The following SSX3 variants were observed in gnomAD, a reference collection of about 807,000 sequenced individuals.
The protein encoded by SSX3 is protein SSX3.
SSX3 carries 6 observed loss-of-function variants against 14.8 expected under a neutral mutation model. The ratio of observed to expected loss-of-function variants is 0.41; its 90% CI spans 0.22 to 0.80. The LOEUF (loss-of-function observed/expected upper bound fraction) is 0.80, where lower values mean the gene tolerates loss of function less well. SSX3 is among the 30% of genes least tolerant of loss of function. The pLI is 0.34. For synonymous variants in SSX3, 55 were observed against 52.9 expected, an observed-to-expected ratio of 1.04 and a Z score of -0.18; for missense variants, 163 against 152.2, an observed-to-expected ratio of 1.07 and a Z score of -0.37.
rs1556949229 is a variant in SSX3 at position 48,349,805 on chromosome X, A to G, written c.466+182T>C. The stretch of plus-strand genomic sequence containing the variant: ...TCCTCAAGTCACGTGGTTTTTTTTT[A>G]TATGGATGACAACTCCAGTCTGTCT... On this transcript the variant is annotated intron_variant, in intron 6 of 7. Transcript: ENST00000298396. 4 of 1,126,701 alleles carry G rather than the reference A, an allele frequency of 3.6e-6. No individual in the cohort carries two copies. The African/African-American group carries it at 7.5e-5, about 21-fold the overall frequency. The allele number at this position is 1,126,701 out of a possible 1,213,427, so 92.9% of individuals were successfully genotyped here. A position where few individuals can be genotyped will look rare whatever the true frequency, so the allele number is the denominator to read the frequency against.
At position 48,350,138 on chromosome X, in the gene SSX3, G is replaced by A; in HGVS notation, c.331-16C>T. The A allele has an allele frequency of 8.3e-7, 1 of 1,210,564 alleles. No individual in the cohort carries two copies. The highest frequency in any genetic ancestry group is 1.7e-5 in the African/African-American group (1 of 57,655). On this transcript the variant is annotated splice_polypyrimidine_tract_variant and intron_variant, in intron 5 of 7. Transcript: ENST00000298396. ...TGGGCATGATCTTTATAATGTGAAG[G>A]TCATAGATAAATAGTATCAGTGACA...
intron 5 of SSX3, among the ~76,000 whole-genome samples, chrX:48,350,385 A>G (rs1460746117): frequency 3.1e-4 from 34 of 111,448 alleles, no homozygotes; most frequent in African/African-American, 1.0e-3. Flanking sequence ...AAAAATCTCC[A>G]TTTAATTGAG....
At chrX:48,354,997 G>A (rs2061280306) in intron 2 of SSX3, 184 bp downstream of exon 2, 4 of 754,268 alleles carry the variant, frequency 5.3e-6, no homozygotes, top group South Asian at 6.7e-5. Context: ...GTAGTGCAAG[G>A]TCACAGACTT....
At chrX:48,354,992 G>C in intron 2 of SSX3, 189 bp downstream of exon 2, 8 of 754,144 alleles carry the variant, frequency 1.1e-5, no homozygotes, top group Non-Finnish European at 1.3e-5. Context: ...CAAATGTAGT[G>C]CAAGGTCACA....
Position 48,348,163 on chromosome X carries a change from T to C in SSX3, c.467-559A>G, listed in dbSNP as rs1217633615. 1.1e-4 allele frequency: 42 copies of C among 389,062 alleles called. 1 individual carries two copies. The highest frequency in any genetic ancestry group is 1.9e-4 in the Non-Finnish European group (42 of 223,690). 32.1% of individuals were successfully genotyped at this position (389,062 alleles called of 1,213,427 possible). A position where few individuals can be genotyped will look rare whatever the true frequency, so the allele number is the denominator to read the frequency against. On this transcript the variant is annotated intron_variant, in intron 6 of 7. Transcript: ENST00000298396. ...TTATGGGGTACATGAGATGCTTTGATACAGGCATGCAATGCATGATAATCA... is the reference window on the plus strand; with the variant it reads ...TTATGGGGTACATGAGATGCTTTGACACAGGCATGCAATGCATGATAATCA...
chrX:48,353,954 A>G (rs781971288), intron 4 of SSX3, 45 bp downstream of exon 4: 61 of 1,152,965 alleles, frequency 5.3e-5, no homozygotes, highest in Non-Finnish European at 1.2e-5. Context: ...CTGAAAAGCA[A>G]TTGGGCTTGA....
At chrX:48,349,251 T>A (rs1256875360) in intron 6 of SSX3, among the ~76,000 whole-genome samples, 2 of 111,380 alleles carry the variant, frequency 1.8e-5, no homozygotes, top group East Asian at 5.6e-4. Flanking sequence ...ATGTGGCAAA[T>A]TTCATTGTTG....
chrX:48,356,424 A>C (rs1489277124), intron 1 of SSX3, among the ~76,000 whole-genome samples: 1 of 111,012 alleles, frequency 9.0e-6, no homozygotes, highest in Non-Finnish European at 1.9e-5. Flanking sequence ...CAAATTTCTT[A>C]AGTTACTACA....
At chrX:48,348,492 C>A (rs1456678899) in intron 6 of SSX3, 76 of 505,786 alleles carry the variant, frequency 1.5e-4, no homozygotes, top group Non-Finnish European at 2.4e-4. Context: ...AACAACCTTA[C>A]AATGGCCGTT....
intron 3 of SSX3, 63 bp downstream of exon 3, chrX:48,354,569 C>T: frequency 2.0e-5 from 22 of 1,117,791 alleles, no homozygotes; most frequent in Non-Finnish European, 2.5e-5. Flanking sequence ...AAGAAATAGC[C>T]AAAGCAGGAA....
At chrX:48,355,144 C>G (rs1330032250) in intron 2 of SSX3, 37 bp downstream of exon 2, 1 of 1,204,243 alleles carries the variant, frequency 8.3e-7, no homozygotes, top group Non-Finnish European at 1.1e-6. Context: ...CACACTGTCC[C>G]CTGGGTCACT....
At chrX:48,349,800 T>C in intron 6 of SSX3, 187 bp downstream of exon 6, 1 of 1,133,073 alleles carries the variant, frequency 8.8e-7, no homozygotes. Flanking sequence ...ACGTGGTTTT[T>C]TTTTATATGG....
chrX:48,353,792 TATC>T (rs2061273272), intron 4 of SSX3, among the ~76,000 whole-genome samples: 1 of 111,195 alleles, frequency 9.0e-6, no homozygotes, highest in Admixed American at 9.6e-5. Context: ...ATTTACTTAT[TATC>T]CATAAAAATA....
At chrX:48,347,097 T>C (rs2061242260) in intron 7 of SSX3, 62 bp from the exon 8 acceptor site, 1 of 1,168,866 alleles carries the variant, frequency 8.6e-7, no homozygotes, top group African/African-American at 1.8e-5. Context: ...GACAACTCAA[T>C]CTCAACTCCT....
chrX:48,347,950 G>C (rs797040254), intron 6 of SSX3, among the ~76,000 whole-genome samples: 1 of 112,103 alleles, frequency 8.9e-6, no homozygotes, highest in African/African-American at 3.2e-5. Context: ...ATACTGCTTC[G>C]CAGATGCTGC....
At chrX:48,353,854 A>C (rs2061273577) in intron 4 of SSX3, 145 bp downstream of exon 4, 1 of 527,986 alleles carries the variant, frequency 1.9e-6, no homozygotes, top group Admixed American at 3.2e-5. Context: ...TGACCTCTGT[A>C]GTTAACTTTC....
At chrX:48,348,352 T>G (rs1172603669) in intron 6 of SSX3, 75 of 515,240 alleles carry the variant, frequency 1.5e-4, no homozygotes, top group Middle Eastern at 5.2e-4. Flanking sequence ...ACCCATAGAA[T>G]ATGACAAACT....
At chrX:48,351,233 G>C (rs1434630314) in intron 5 of SSX3, among the ~76,000 whole-genome samples, 1 of 111,592 alleles carries the variant, frequency 9.0e-6, no homozygotes, top group East Asian at 2.8e-4. Flanking sequence ...TCTCCACACT[G>C]GCAACCCAAC....
At chrX:48,353,928 T>A in intron 4 of SSX3, 71 bp downstream of exon 4, 2 of 1,080,665 alleles carry the variant, frequency 1.9e-6, no homozygotes, top group Non-Finnish European at 2.6e-6. Flanking sequence ...CTGAGGCTCT[T>A]TCCCAGGTAG....
Sources: allele counts gnomAD v4.1 joint callset (sites outside exome capture counted in the v4.1 genomes callset), GRCh38; gene constraint gnomAD v4.1.1; transcripts MANE v1.5; gene names NCBI Gene and HGNC (gene_info 2026-07-23, HGNC 2026-07-21).